The following FGF14 variants were observed in gnomAD, a reference collection of about 807,000 sequenced individuals.
FGF14 encodes the protein fibroblast growth factor 14.
Under a neutral mutation model 25.5 loss-of-function variants are expected in FGF14, and 5 were observed. The ratio of observed to expected loss-of-function variants is 0.20; its 90% confidence interval spans 0.10 to 0.41. The LOEUF (loss-of-function observed/expected upper bound fraction) is 0.41, where lower values mean the gene tolerates loss of function less well. Among genes scored for constraint, FGF14 ranks in the 10% least tolerant of loss-of-function variants. The pLI, the probability that FGF14 is intolerant of heterozygous loss-of-function variation, is 1.00. For synonymous variants in FGF14, 138 were observed against 118.3 expected, an observed-to-expected ratio of 1.17 and a Z score of -1.08; for missense variants, 222 against 320.1, an observed-to-expected ratio of 0.69 and a Z score of 2.34.
chr13:102,105,442 A>AATATT (rs2044861060), intron 1 of FGF14, among the ~76,000 whole-genome samples: 1 of 152,150 alleles, frequency 6.6e-6, no homozygotes. Context: ...TTTGCCTTCC[A>AATATT]ATATTTGAAA....
intron 1 of FGF14, among the ~76,000 whole-genome samples, chr13:102,022,935 CCT>C (rs1449024787): frequency 6.6e-6 from 1 of 151,704 alleles, no homozygotes; most frequent in Admixed American, 6.6e-5. Flanking sequence ...TTGTGTGAAG[CCT>C]TGTGCTGGGC....
intron 1 of FGF14, among the ~76,000 whole-genome samples, chr13:102,083,207 T>G (rs2043722310): frequency 6.6e-6 from 1 of 152,194 alleles, no homozygotes; most frequent in South Asian, 2.1e-4. Context: ...TGCTATCACC[T>G]TGGTCCAAGC....
chr13:102,075,695 G>T (rs1186198490), intron 1 of FGF14, among the ~76,000 whole-genome samples: 1 of 152,154 alleles, frequency 6.6e-6, no homozygotes. Flanking sequence ...AGCCTCAGGG[G>T]AGTCCTTCAG....
intron 1 of FGF14, among the ~76,000 whole-genome samples, chr13:102,264,175 G>C (rs1306029622): frequency 6.6e-6 from 1 of 151,868 alleles, no homozygotes; most frequent in Non-Finnish European, 1.5e-5. Context: ...TTGAGAGTTG[G>C]TGAAACAATT....
intron 1 of FGF14, among the ~76,000 whole-genome samples, chr13:102,167,637 AGT>A (rs1389659921): frequency 1.3e-5 from 2 of 152,152 alleles, no homozygotes; most frequent in African/African-American, 2.4e-5. Context: ...CTACCTGAAT[AGT>A]TGGCAAATAG....
chr13:102,014,406 T>C (rs1005159453), intron 1 of FGF14, among the ~76,000 whole-genome samples: 24 of 152,138 alleles, frequency 1.6e-4, no homozygotes, highest in Admixed American at 3.3e-4. Context: ...ATATTCCTAA[T>C]AGTGCACGGA....
intron 1 of FGF14, among the ~76,000 whole-genome samples, chr13:102,112,787 A>G (rs560631178): frequency 6.6e-6 from 1 of 152,330 alleles, no homozygotes; most frequent in African/African-American, 2.4e-5. Flanking sequence ...TCTGAGCCTC[A>G]TAATAACTCT....
chr13:101,923,553 G>A (rs1012083970), intron 1 of FGF14, among the ~76,000 whole-genome samples: 2 of 151,900 alleles, frequency 1.3e-5, no homozygotes, highest in African/African-American at 2.4e-5. Flanking sequence ...CTGCTTATCC[G>A]CTCATTACAG....
At chr13:102,375,794 A>T (rs2058026710) in intron 1 of FGF14, among the ~76,000 whole-genome samples, 1 of 152,204 alleles carries the variant, frequency 6.6e-6, no homozygotes, top group African/African-American at 2.4e-5. Context: ...TGTTTTTCCA[A>T]TCTTGTTCCT....
chr13:102,387,537 G>C (rs1448742269), intron 1 of FGF14, among the ~76,000 whole-genome samples: 1 of 151,744 alleles, frequency 6.6e-6, no homozygotes, highest in Admixed American at 6.6e-5. Flanking sequence ...GTCCTTCTTA[G>C]TTGCAGGGCT....
intron 1 of FGF14, among the ~76,000 whole-genome samples, chr13:101,992,040 G>A (rs1484822415): frequency 6.6e-6 from 1 of 152,158 alleles, no homozygotes; most frequent in African/African-American, 2.4e-5. Context: ...TCAGATAGCT[G>A]AGAGTACTTG....
At chr13:101,857,043 T>G (rs2044162657) in intron 3 of FGF14, among the ~76,000 whole-genome samples, 1 of 152,030 alleles carries the variant, frequency 6.6e-6, no homozygotes. Context: ...CATTGTTTCC[T>G]CATGAAGGGC....
At chr13:102,399,603 G>C (rs2058655960) in intron 1 of FGF14, among the ~76,000 whole-genome samples, 1 of 152,190 alleles carries the variant, frequency 6.6e-6, no homozygotes, top group Non-Finnish European at 1.5e-5. Flanking sequence ...TTGATGTCGG[G>C]GACTTGGAGT....
chr13:101,884,868 T>TACAC (rs760286958), intron 1 of FGF14, among the ~76,000 whole-genome samples: 820 of 73,232 alleles, frequency 0.011, 2 homozygotes, highest in Middle Eastern at 0.031. Flanking sequence ...GACACATACA[T>TACAC]ACACACACAC....
intron 1 of FGF14, among the ~76,000 whole-genome samples, chr13:102,329,195 T>C (rs2056558242): frequency 6.6e-6 from 1 of 152,176 alleles, no homozygotes; most frequent in Admixed American, 6.5e-5. Flanking sequence ...CAAAAGCTCA[T>C]GGTTATTAGT....
chr13:102,036,525 C>A (rs376018263), intron 1 of FGF14, among the ~76,000 whole-genome samples: 1 of 152,092 alleles, frequency 6.6e-6, no homozygotes, highest in African/African-American at 2.4e-5. Context: ...TGAGCAGAAA[C>A]AATTTTCCAA....
chr13:101,997,533 TAAA>T (rs2039248598), intron 1 of FGF14, among the ~76,000 whole-genome samples: 1 of 152,226 alleles, frequency 6.6e-6, no homozygotes, highest in Non-Finnish European at 1.5e-5. Context: ...ACTTCTTGCT[TAAA>T]ATCATGCTTA....
chr13:102,048,801 G>A (rs978762283), intron 1 of FGF14, among the ~76,000 whole-genome samples: 5 of 152,148 alleles, frequency 3.3e-5, no homozygotes, highest in African/African-American at 7.2e-5. Flanking sequence ...TCTTCACTCA[G>A]GCACATTCCT....
rs68138633 is a variant in FGF14 at position 102,327,859 on chromosome 13, CA to C, written c.208+73611del. Among the ~76,000 whole-genome samples the C allele has an allele frequency of 4.2e-3, 508 of 121,780 alleles. 1 individual carries two copies. The highest frequency in any genetic ancestry group is 0.015 in the African/African-American group (473 of 30,596). 79.9% of individuals were successfully genotyped at this position (121,780 alleles called of 152,430 possible). A position where few individuals can be genotyped will look rare whatever the true frequency, so the allele number is the denominator to read the frequency against. ...CCAAAAAAACAGAACAAAAAACAAA[CA>C]AAAAAAAAGGATATCAAGAATTGAC... On this transcript the variant is annotated intron_variant, in intron 1 of 4. Coordinates refer to the FGF14 transcript ENST00000376131.
Sources: gnomAD v4.1 joint callset for allele counts (sites outside exome capture counted in the v4.1 genomes callset) on GRCh38, gnomAD v4.1.1 for gene constraint, MANE v1.5 for transcripts, NCBI Gene and HGNC (gene_info 2026-07-23, HGNC 2026-07-21) for gene names.